GRIP2: variants seen among roughly 807,000 people sequenced by gnomAD.
The protein encoded by GRIP2 is glutamate receptor-interacting protein 2.
GRIP2 carries 58 observed loss-of-function variants against 108.3 expected under a neutral mutation model. The ratio of observed to expected loss-of-function variants is 0.54; its 90% CI spans 0.43 to 0.67. The LOEUF (loss-of-function observed/expected upper bound fraction) is 0.67, where lower values mean the gene tolerates loss of function less well. Ranked by LOEUF, GRIP2 falls within the 30% of genes least tolerant of loss-of-function variation. The probability of loss-of-function intolerance (pLI) is 0.00; values close to 1 mark genes in which losing one functional copy is unlikely to be tolerated. For missense variants in GRIP2, 1,278 were observed against 1,430.6 expected, an observed-to-expected ratio of 0.89 and a Z score of 1.72; for synonymous variants, 586 against 598.2, an observed-to-expected ratio of 0.98 and a Z score of 0.30.
At position 14,513,709 on chromosome 3, in the gene GRIP2, G is replaced by A. The variant is rs751314346; in HGVS notation, c.1595C>T (p.Ala532Val). Residue 532 changes from alanine (A) to valine (V), a missense_variant, in exon 13 of 24, where the codon GCA becomes GTA. Physicochemically the swap from Ala to Val is moderately conservative, Grantham distance 64 (BLOSUM62 0). Transcript: ENST00000621039. ...EEANQLLRDAALAHKVVLEVE... is the reference protein window; with the variant it reads ...EEANQLLRDAVLAHKVVLEVE... ...CTCCAGCACGACCTTGTGGGCCAGT[G>A]CGGCGTCCCGCAGGAGCTGGTTGGC... The A allele has an allele frequency of 3.1e-6, 5 of 1,610,198 alleles. No homozygotes were observed. The African/African-American group carries it at 4.0e-5, about 13-fold the overall frequency.
At chr3:14,547,645 G>A (rs115313699) in intron 1 of GRIP2, among the ~76,000 whole-genome samples, 2,909 of 152,262 alleles carry the variant, frequency 0.019, 115 homozygotes, top group African/African-American at 0.067. Flanking sequence ...TGCTCAGAGC[G>A]CTCCTGGGTG....
At chr3:14,563,099 T>G in the GRIP2 span, among the ~76,000 whole-genome samples, 1 of 152,158 alleles carries the variant, frequency 6.6e-6, no homozygotes. Flanking sequence ...GGACCTTACT[T>G]GAATCCTGAT....
intron 21 of GRIP2, among the ~76,000 whole-genome samples, chr3:14,497,275 A>G (rs577528007): frequency 1.3e-5 from 2 of 152,184 alleles, no homozygotes; most frequent in Non-Finnish European, 2.9e-5. Context: ...CCCCAAAGTC[A>G]GGACTCTTAA....
At chr3:14,531,580 C>A (rs138183226) in intron 1 of GRIP2, among the ~76,000 whole-genome samples, 1 of 152,192 alleles carries the variant, frequency 6.6e-6, no homozygotes, top group Non-Finnish European at 1.5e-5. Flanking sequence ...AGCAGCCATG[C>A]CCTGTGCACA....
the GRIP2 span, among the ~76,000 whole-genome samples, chr3:14,563,170 T>A: frequency 6.6e-6 from 1 of 152,058 alleles, no homozygotes; most frequent in Non-Finnish European, 1.5e-5. Flanking sequence ...GCACGCAGAC[T>A]GGGTACAAGA....
At chr3:14,549,612 A>T (rs1695111999) in intron 1 of GRIP2, among the ~76,000 whole-genome samples, 5 of 152,216 alleles carry the variant, frequency 3.3e-5, no homozygotes, top group Admixed American at 3.3e-4. Context: ...TCTACGCCCA[A>T]GTGGGGAAAC....
At chr3:14,571,033 G>A in the GRIP2 span, among the ~76,000 whole-genome samples, 1 of 152,098 alleles carries the variant, frequency 6.6e-6, no homozygotes, top group Non-Finnish European at 1.5e-5. Flanking sequence ...CCTACCACTG[G>A]ATACCAGTGG....
At chr3:14,515,745 C>T (rs1247887258) in intron 11 of GRIP2, among the ~76,000 whole-genome samples, 1 of 152,032 alleles carries the variant, frequency 6.6e-6, no homozygotes, top group Non-Finnish European at 1.5e-5. Context: ...AAGCGATTTT[C>T]CCACCTCCAG....
At chr3:14,574,272 T>C in the GRIP2 span, 2 of 911,624 alleles carry the variant, frequency 2.2e-6, no homozygotes, top group African/African-American at 1.6e-5. Context: ...GTGGTAGGTG[T>C]GGTTGTTGAG....
In GRIP2 at chr3:14,492,200, C is replaced by A. The variant is rs1701352126; in HGVS notation, c.*1465G>T. 1 of 152,372 alleles carries A rather than the reference C, an allele frequency of 6.6e-6. No homozygotes were observed. The highest frequency in any genetic ancestry group is 1.5e-5 in the Non-Finnish European group (1 of 68,174). 9.4% of individuals were successfully genotyped at this position (152,372 alleles called of 1,614,324 possible). A position where few individuals can be genotyped will look rare whatever the true frequency, so the allele number is the denominator to read the frequency against. On this transcript the variant is annotated 3_prime_UTR_variant, in exon 24 of 24. Transcript: ENST00000621039. ...GGTCACACAGCAAACAGGTAACAGA[C>A]CCAGGGTGAAAAGAACAGACCTCTT...
the GRIP2 span, chr3:14,574,135 C>A: frequency 1.0e-6 from 1 of 967,280 alleles, no homozygotes; most frequent in East Asian, 2.4e-5. Context: ...TCCACGGGCA[C>A]GATGCCATAG....
At chr3:14,587,457 A>G in the GRIP2 span, among the ~76,000 whole-genome samples, 4 of 151,976 alleles carry the variant, frequency 2.6e-5, no homozygotes, top group Non-Finnish European at 5.9e-5. Flanking sequence ...ATAGTGACAT[A>G]GTGAAACTCC....
At chr3:14,509,487 C>G (rs1313666663) in intron 17 of GRIP2, among the ~76,000 whole-genome samples, 3 of 152,324 alleles carry the variant, frequency 2.0e-5, no homozygotes, top group Admixed American at 2.0e-4. Flanking sequence ...CTGCCCCATC[C>G]TATTCCGCAC....
rs1252473413 is a variant in GRIP2, at chr3:14,517,145, G to A, written c.1225C>T (p.Leu409Phe). 1 of 1,610,074 alleles carries A rather than the reference G, an allele frequency of 6.2e-7. No individual in the cohort carries two copies. Among genetic ancestry groups the A allele is most frequent in the East Asian group, 2.3e-5 (1 of 44,412 alleles). The change falls in exon 11 of 24, where the codon CTT (leucine) becomes TTT (phenylalanine). Residue 409 changes from leucine to phenylalanine, a missense_variant. By Grantham distance (22) the Leu-to-Phe change is conservative. Transcript: ENST00000621039. ...HAFSCNNPST[L>F]PRGSQPMSPR... is the part of the protein sequence containing the mutation. ...CTCATGGGCTGGGATCCACGGGGAA[G>A]GGTGCTGGGGTTGTTGCAGGAAAAG...
chr3:14,562,738 AGGCAGACGGTCCTCGGACTCCCG>A, the GRIP2 span, among the ~76,000 whole-genome samples: 7 of 68,566 alleles, frequency 1.0e-4, no homozygotes, highest in African/African-American at 3.6e-4. Flanking sequence ...CGGACTCCCG[AGGCAGACGGTCCTCGGACTCCCG>A]GACAGGTCTC....
chr3:14,555,239 T>G (rs902571863), intron 1 of GRIP2, among the ~76,000 whole-genome samples: 2 of 151,396 alleles, frequency 1.3e-5, no homozygotes, highest in African/African-American at 4.9e-5. Context: ...CTGTCCCAAC[T>G]CCCCACGTAC....
chr3:14,513,950 T>C (rs1694174200), intron 12 of GRIP2, 140 bp from the exon 13 acceptor site: 1 of 1,049,264 alleles, frequency 9.5e-7, no homozygotes, highest in Admixed American at 2.8e-5. Flanking sequence ...GGCCCACCTG[T>C]GTATCCTCAG....
the GRIP2 span, among the ~76,000 whole-genome samples, chr3:14,562,760 C>T: frequency 6.9e-6 from 1 of 145,294 alleles, no homozygotes; most frequent in Non-Finnish European, 1.5e-5. Context: ...CTCGGACTCC[C>T]GGACAGGTCT....
intron 1 of GRIP2, chr3:14,555,852 T>C (rs1042946110): frequency 1.0e-4 from 41 of 398,888 alleles, no homozygotes; most frequent in African/African-American, 8.0e-4. Context: ...GCAGGGAGCC[T>C]GGGAAGTCCC....
Sources: allele counts gnomAD v4.1 joint callset (sites outside exome capture counted in the v4.1 genomes callset), GRCh38; gene constraint gnomAD v4.1.1; transcripts MANE v1.5; gene names NCBI Gene and HGNC (gene_info 2026-07-23, HGNC 2026-07-21).